ZNF804A: variants seen among roughly 807,000 people sequenced by gnomAD.
ZNF804A encodes zinc finger protein 804A.
Under a neutral mutation model 16.5 loss-of-function variants are expected in ZNF804A, and 2 were observed. The ratio of observed to expected loss-of-function variants is 0.12; its 90% confidence interval spans 0.05 to 0.38. ZNF804A has a LOEUF of 0.38. Ranked by LOEUF, ZNF804A falls within the 10% of genes least tolerant of loss-of-function variation. ZNF804A has a pLI of 0.99. For missense variants in ZNF804A, 1,473 were observed against 1,390.7 expected (o/e 1.06, Z -0.94); for synonymous variants, 534 against 489.6 (o/e 1.09, Z -1.20).
intron 1 of ZNF804A, among the ~76,000 whole-genome samples, chr2:184,638,816 A>G (rs1015118505): frequency 5.3e-5 from 8 of 152,168 alleles, no homozygotes; most frequent in African/African-American, 1.9e-4. Context: ...GATGCTTACC[A>G]TACACCATTC....
intron 1 of ZNF804A, among the ~76,000 whole-genome samples, chr2:184,861,334 A>C (rs988597888): frequency 6.6e-6 from 1 of 152,184 alleles, no homozygotes; most frequent in South Asian, 2.1e-4. Context: ...CACTATACAC[A>C]GGTGCTACAA....
At chr2:184,691,041 A>T (rs1320701297) in intron 1 of ZNF804A, among the ~76,000 whole-genome samples, 2 of 152,034 alleles carry the variant, frequency 1.3e-5, no homozygotes, top group East Asian at 3.8e-4. Flanking sequence ...TTTAGTGAGG[A>T]TACTTTTAAA....
rs773804217 is a variant in ZNF804A, at chr2:184,937,350, T to G, written c.1954T>G (p.Ser652Ala). Residue 652 changes from serine (S) to alanine (A), a missense_variant, in exon 4 of 4, where the codon TCA (serine) becomes GCA (alanine). Physicochemically the swap from Ser to Ala is moderately conservative, Grantham distance 99. Transcript: ENST00000302277. ...QYLAAEQLLDSHQLLDKRPKS... is the reference protein window; with the variant it reads ...QYLAAEQLLDAHQLLDKRPKS... The stretch of plus-strand genomic sequence containing the variant: ...TTTAGCTGCAGAGCAATTATTAGAC[T>G]CACATCAGTTACTTGATAAAAGGCC... 6.2e-7 allele frequency: 1 copy of G among 1,613,722 alleles called. No individual in the cohort carries two copies. The highest frequency in any genetic ancestry group is 8.5e-7 in the Non-Finnish European group (1 of 1,179,918).
At chr2:184,866,654 A>AT in intron 2 of ZNF804A, 142 bp downstream of exon 2, 4 of 706,474 alleles carry the variant, frequency 5.7e-6, no homozygotes, top group Non-Finnish European at 8.1e-6. Flanking sequence ...CTGGGATGAT[A>AT]ATTTGATGAC....
chr2:184,696,775 G>A (rs1692837457), intron 1 of ZNF804A, among the ~76,000 whole-genome samples: 2 of 151,796 alleles, frequency 1.3e-5, no homozygotes, highest in Admixed American at 6.6e-5. Flanking sequence ...TTATTCCTGT[G>A]TTCTTGCTGT....
At chr2:184,725,665 GT>G (rs1693397967) in intron 1 of ZNF804A, among the ~76,000 whole-genome samples, 1 of 151,512 alleles carries the variant, frequency 6.6e-6, no homozygotes, top group South Asian at 2.1e-4. Flanking sequence ...TGTAAAGTGT[GT>G]GGGTAGTTCT....
chr2:184,907,914 A>G (rs1418130152), intron 2 of ZNF804A, among the ~76,000 whole-genome samples: 2 of 152,292 alleles, frequency 1.3e-5, no homozygotes, highest in Non-Finnish European at 2.9e-5. Flanking sequence ...TGTAATTTAT[A>G]AAATCATACA....
chr2:184,610,793 A>C (rs544720646), intron 1 of ZNF804A, among the ~76,000 whole-genome samples: 3 of 152,338 alleles, frequency 2.0e-5, no homozygotes, highest in Admixed American at 6.5e-5. Context: ...TTAGCAAGAA[A>C]GTCTACTACA....
At chr2:184,689,013 TA>T (rs996738910) in intron 1 of ZNF804A, among the ~76,000 whole-genome samples, 9 of 152,116 alleles carry the variant, frequency 5.9e-5, no homozygotes, top group African/African-American at 1.2e-4. Flanking sequence ...ATTTAGAGTA[TA>T]AAAAATAATT....
chr2:184,919,676 C>G (rs1397879315), intron 2 of ZNF804A, among the ~76,000 whole-genome samples: 2 of 152,184 alleles, frequency 1.3e-5, no homozygotes, highest in Admixed American at 6.5e-5. Context: ...ATCCAGCCAA[C>G]CCATTGGCCA....
chr2:184,736,164 T>TA (rs1190234025), intron 1 of ZNF804A, among the ~76,000 whole-genome samples: 10 of 152,274 alleles, frequency 6.6e-5, no homozygotes, highest in Non-Finnish European at 1.3e-4. Context: ...TTAAGTTCTT[T>TA]ATTGATTGCT....
intron 1 of ZNF804A, among the ~76,000 whole-genome samples, chr2:184,743,118 A>T (rs1559139708): frequency 6.6e-6 from 1 of 151,950 alleles, no homozygotes; most frequent in African/African-American, 2.4e-5. Context: ...CCTGACCTTA[A>T]CATAGCCTAG....
Position 184,937,079 on chromosome 2 carries a change from T to C in ZNF804A, c.1683T>C (p.Tyr561=). 1 of 1,602,698 alleles carries C rather than the reference T, an allele frequency of 6.2e-7. No individual in the cohort carries two copies. Among genetic ancestry groups the C allele is most frequent in the South Asian group, 1.1e-5 (1 of 89,260 alleles). ...ISCKIRETEK[Y]NFTKSQIKQD... ...GTAAGATCAGAGAAACAGAAAAGTA[T>C]AATTTTACTAAAAGTCAAATAAAAC... is the stretch of plus-strand genomic sequence containing the variant. The change falls in exon 4 of 4, where the codon TAT becomes TAC. Residue 561 remains tyrosine (Y), a synonymous_variant. Coordinates refer to ENST00000302277, the MANE Select transcript of ZNF804A (RefSeq NM_194250.2).
chr2:184,771,119 C>G (rs927130117), intron 1 of ZNF804A, among the ~76,000 whole-genome samples: 3 of 152,008 alleles, frequency 2.0e-5, no homozygotes, highest in African/African-American at 4.8e-5. Flanking sequence ...AGAAATTACT[C>G]TCATAACCAT....
In ZNF804A at chr2:184,851,644, A is replaced by G. The variant is rs1277274533; in HGVS notation, c.112-14725A>G. ...GCTACTGTGAATAATGCCACAATAA[A>G]TATTGAAGTACAGATATTTCTTCAA... On this transcript the variant is annotated intron_variant, in intron 1 of 3. Coordinates refer to ENST00000302277, the MANE Select transcript of ZNF804A (RefSeq NM_194250.2). Among the ~76,000 whole-genome samples, 3 of 151,860 alleles carry G rather than the reference A, an allele frequency of 2.0e-5. No homozygotes were observed. The Admixed American group carries it at 2.0e-4, about 10-fold the overall frequency.
chr2:184,643,019 C>G (rs1275726840), intron 1 of ZNF804A, among the ~76,000 whole-genome samples: 5 of 151,944 alleles, frequency 3.3e-5, no homozygotes, highest in African/African-American at 9.7e-5. Flanking sequence ...CTAATAAATA[C>G]TCTATTTATC....
intron 1 of ZNF804A, among the ~76,000 whole-genome samples, chr2:184,619,392 A>T (rs894714247): frequency 1.3e-5 from 2 of 151,952 alleles, no homozygotes; most frequent in African/African-American, 4.8e-5. Flanking sequence ...GAATTGGATC[A>T]TTTTAAGGGT....
At chr2:184,815,055 A>G (rs888928083) in intron 1 of ZNF804A, among the ~76,000 whole-genome samples, 1 of 152,066 alleles carries the variant, frequency 6.6e-6, no homozygotes, top group African/African-American at 2.4e-5. Context: ...AAATTGATCA[A>G]TAGAAATAAC....
intron 1 of ZNF804A, among the ~76,000 whole-genome samples, chr2:184,722,092 G>C (rs1693326854): frequency 6.6e-6 from 1 of 151,814 alleles, no homozygotes; most frequent in African/African-American, 2.4e-5. Flanking sequence ...AGAGTGTGTG[G>C]GTGCGCGTGT....
Sources: gnomAD v4.1 joint callset for allele counts (sites outside exome capture counted in the v4.1 genomes callset) on GRCh38, gnomAD v4.1.1 for gene constraint, MANE v1.5 for transcripts, NCBI Gene and HGNC (gene_info 2026-07-23, HGNC 2026-07-21) for gene names.